The following NOL4 variants were observed in gnomAD, a reference collection of about 807,000 sequenced individuals.
The protein encoded by NOL4 is nucleolar protein 4.
Under a neutral mutation model 75.9 loss-of-function variants are expected in NOL4, and 17 were observed. The ratio of observed to expected loss-of-function variants is 0.22; its 90% confidence interval spans 0.15 to 0.34. The LOEUF (loss-of-function observed/expected upper bound fraction) is 0.34, where lower values mean the gene tolerates loss of function less well. Among genes scored for constraint, NOL4 ranks in the 10% least tolerant of loss-of-function variants. The pLI is 1.00. For synonymous variants in NOL4, 292 were observed against 289.9 expected (o/e 1.01, Z -0.07); for missense variants, 614 against 793.5 (o/e 0.77, Z 2.72).
chr18:34,077,440 TACAC>T (rs1040291449), intron 5 of NOL4, among the ~76,000 whole-genome samples: 14 of 152,040 alleles, frequency 9.2e-5, no homozygotes, highest in East Asian at 3.8e-4. Context: ...TACACATATA[TACAC>T]ACACACAATC....
chr18:34,070,882 T>C (rs2077484139), intron 5 of NOL4, among the ~76,000 whole-genome samples: 1 of 152,180 alleles, frequency 6.6e-6, no homozygotes. Context: ...TCTTATAATT[T>C]ATGAACAAGT....
intron 9 of NOL4, among the ~76,000 whole-genome samples, chr18:33,926,893 T>TG (rs1192292345): frequency 1.3e-5 from 2 of 152,188 alleles, no homozygotes; most frequent in Non-Finnish European, 2.9e-5. Context: ...CCACCGGGCC[T>TG]GGCCAAGAAT....
At chr18:34,120,553 A>G (rs75693498) in intron 2 of NOL4, among the ~76,000 whole-genome samples, 5,183 of 152,284 alleles carry the variant, frequency 0.034, 92 homozygotes, top group Middle Eastern at 0.048. Context: ...ATTTACAATA[A>G]AAGTAGGCAA....
intron 10 of NOL4, among the ~76,000 whole-genome samples, chr18:33,863,246 T>A (rs987562607): frequency 6.6e-6 from 1 of 151,074 alleles, no homozygotes; most frequent in African/African-American, 2.4e-5. Context: ...ACAGGTACGG[T>A]AACATCACAC....
rs35167224 is a variant in NOL4, at chr18:34,030,140, A to C, written c.773-10539T>G. On this transcript the variant is annotated intron_variant, in intron 5 of 10. Coordinates refer to ENST00000261592, the MANE Select transcript of NOL4 (RefSeq NM_003787.5). ...ATCTAAATAAAATTCCACTTTGATT[A>C]TATTTTTGGGCTTCTAGAAAAAGGA... is the stretch of plus-strand genomic sequence containing the variant. Among the ~76,000 whole-genome samples, 1,425 of 152,306 alleles carry C rather than the reference A, an allele frequency of 9.4e-3. 11 individuals carry two copies. The highest frequency in any genetic ancestry group is 0.016 in the Non-Finnish European group (1,058 of 68,020).
chr18:33,886,936 CT>C (rs986894966), intron 9 of NOL4, among the ~76,000 whole-genome samples: 2 of 128,848 alleles, frequency 1.6e-5, no homozygotes, highest in African/African-American at 3.1e-5. Context: ...ATCTATATAT[CT>C]ATATATCTAG....
intron 2 of NOL4, among the ~76,000 whole-genome samples, chr18:34,126,506 C>T (rs2080397378): frequency 6.6e-6 from 1 of 152,144 alleles, no homozygotes; most frequent in Non-Finnish European, 1.5e-5. Flanking sequence ...ATTGATAACA[C>T]TGACTTTCCC....
intron 2 of NOL4, among the ~76,000 whole-genome samples, chr18:34,124,475 TC>T (rs1167584707): frequency 6.6e-6 from 1 of 152,176 alleles, no homozygotes; most frequent in Non-Finnish European, 1.5e-5. Flanking sequence ...TAGACATAGT[TC>T]CCCTTTTTTT....
intron 2 of NOL4, among the ~76,000 whole-genome samples, chr18:34,116,479 T>G (rs1163304880): frequency 2.0e-5 from 3 of 152,218 alleles, no homozygotes; most frequent in African/African-American, 7.2e-5. Flanking sequence ...ACAATGCAGT[T>G]AAGGTAAACT....
intron 2 of NOL4, among the ~76,000 whole-genome samples, chr18:34,120,429 G>C (rs1390040550): frequency 6.6e-6 from 1 of 151,982 alleles, no homozygotes; most frequent in African/African-American, 2.4e-5. Flanking sequence ...AACTTGATGA[G>C]TCATAAATGG....
chr18:33,874,158 A>G (rs1277161330), intron 10 of NOL4, among the ~76,000 whole-genome samples: 1 of 151,852 alleles, frequency 6.6e-6, no homozygotes, highest in Non-Finnish European at 1.5e-5. Flanking sequence ...TGTAAGAGCT[A>G]TGAGTTCTAT....
intron 9 of NOL4, among the ~76,000 whole-genome samples, chr18:33,891,388 C>G (rs1016655963): frequency 6.6e-6 from 1 of 152,114 alleles, no homozygotes; most frequent in African/African-American, 2.4e-5. Context: ...AAAATCACCA[C>G]AAATAAAGCA....
At chr18:34,187,855 G>A (rs970722757) in intron 1 of NOL4, among the ~76,000 whole-genome samples, 2 of 152,118 alleles carry the variant, frequency 1.3e-5, no homozygotes, top group African/African-American at 2.4e-5. Context: ...TAAATACCAA[G>A]GAGTCTGATT....
At chr18:34,221,704 A>G (rs1600922714) in intron 1 of NOL4, 1 of 234,920 alleles carries the variant, frequency 4.3e-6, no homozygotes, top group Non-Finnish European at 8.1e-6. Flanking sequence ...ATAAATATAC[A>G]TCCTTCAAAC....
chr18:34,077,173 T>C (rs2077783359), intron 5 of NOL4, among the ~76,000 whole-genome samples: 1 of 152,040 alleles, frequency 6.6e-6, no homozygotes. Context: ...CTGGGCATGA[T>C]GGCACACCCC....
At chr18:34,128,965 G>A (rs2080507353) in intron 2 of NOL4, 1 of 431,704 alleles carries the variant, frequency 2.3e-6, no homozygotes, top group South Asian at 9.7e-5. Context: ...GTAGCCAAAA[G>A]CAAAATTCAA....
intron 8 of NOL4, among the ~76,000 whole-genome samples, chr18:33,956,118 T>G (rs2145717998): frequency 6.6e-6 from 1 of 152,246 alleles, no homozygotes; most frequent in South Asian, 2.1e-4. Flanking sequence ...TTTTATGGAC[T>G]TTTCTATTAC....
chr18:34,115,140 T>C (rs7233297), intron 2 of NOL4, among the ~76,000 whole-genome samples: 128,645 of 152,094 alleles, frequency 0.85, 54,507 homozygotes, highest in East Asian at 0.96. Context: ...AAAGATGGAG[T>C]CTCCTGTGTA....
At chr18:34,070,026 CTTGTT>C (rs1027274288) in intron 5 of NOL4, among the ~76,000 whole-genome samples, 2 of 152,098 alleles carry the variant, frequency 1.3e-5, no homozygotes, top group Non-Finnish European at 1.5e-5. Context: ...GTAGCCTTGC[CTTGTT>C]TTGTTTTGTT....
Sources: allele counts gnomAD v4.1 joint callset (sites outside exome capture counted in the v4.1 genomes callset), GRCh38; gene constraint gnomAD v4.1.1; transcripts MANE v1.5; gene names NCBI Gene and HGNC (gene_info 2026-07-23, HGNC 2026-07-21).